MAST2: variants seen among roughly 807,000 people sequenced by gnomAD.
MAST2 encodes the protein microtubule associated serine/threonine kinase 2.
In MAST2, 70 loss-of-function variants were observed where a neutral mutation model predicts 147.4. The ratio of observed to expected loss-of-function variants is 0.47; its 90% CI spans 0.39 to 0.58. MAST2 has a LOEUF of 0.58. Among genes scored for constraint, MAST2 ranks in the 20% least tolerant of loss-of-function variants. MAST2 has a pLI of 0.00. For synonymous variants in MAST2, 869 were observed against 896.8 expected, an observed-to-expected ratio of 0.97 and a Z score of 0.55; for missense variants, 2,080 against 2,302.3, an observed-to-expected ratio of 0.90 and a Z score of 1.98.
At chr1:45,962,388 C>T (rs1660557497) in intron 5 of MAST2, among the ~76,000 whole-genome samples, 2 of 152,074 alleles carry the variant, frequency 1.3e-5, no homozygotes, top group South Asian at 4.1e-4. Context: ...GTCCCACCAA[C>T]AGTGTAAAAG....
chr1:45,873,452 C>T (rs1646480150), intron 3 of MAST2, among the ~76,000 whole-genome samples: 1 of 152,072 alleles, frequency 6.6e-6, no homozygotes, highest in South Asian at 2.1e-4. Context: ...CCTGCCTCAG[C>T]CTCCCAAAGT....
chr1:45,858,849 A>C (rs977394882), intron 3 of MAST2, among the ~76,000 whole-genome samples: 6 of 152,090 alleles, frequency 3.9e-5, no homozygotes, highest in African/African-American at 1.4e-4. Flanking sequence ...CAGTTTTCCC[A>C]GCACCATTTA....
chr1:45,956,613 A>G (rs1351329500), intron 4 of MAST2, among the ~76,000 whole-genome samples: 1 of 152,226 alleles, frequency 6.6e-6, no homozygotes, highest in Non-Finnish European at 1.5e-5. Context: ...AAAGTATGCA[A>G]GCATTACTTT....
chr1:45,824,657 C>T (rs1248020326), intron 2 of MAST2, 77 bp downstream of exon 2: 6 of 1,404,946 alleles, frequency 4.3e-6, no homozygotes, highest in Non-Finnish European at 2.9e-6. Context: ...ATTGAATTGG[C>T]ATCTTGACAG....
chr1:45,931,502 G>GT (rs1655302883), intron 4 of MAST2, among the ~76,000 whole-genome samples: 2 of 137,250 alleles, frequency 1.5e-5, no homozygotes, highest in South Asian at 2.5e-4. Flanking sequence ...TGTTGTTTTT[G>GT]TTTTTTTGAG....
chr1:45,925,920 G>A (rs1211859466), intron 4 of MAST2, among the ~76,000 whole-genome samples: 2 of 152,188 alleles, frequency 1.3e-5, no homozygotes, highest in African/African-American at 4.8e-5. Flanking sequence ...TGGTAGACTT[G>A]CGTGGCAAAT....
chr1:46,016,058 G>C (rs1645925810), intron 10 of MAST2, among the ~76,000 whole-genome samples: 1 of 151,842 alleles, frequency 6.6e-6, no homozygotes, highest in African/African-American at 2.4e-5. Flanking sequence ...CATATAAACA[G>C]AACCAAAGAC....
intron 3 of MAST2, among the ~76,000 whole-genome samples, chr1:45,860,310 G>A (rs1645935572): frequency 7.7e-6 from 1 of 129,438 alleles, no homozygotes; most frequent in South Asian, 2.7e-4. Context: ...CTTGAACCTG[G>A]GAGACAGAGG....
At chr1:46,008,963 T>C (rs1327276770) in intron 9 of MAST2, among the ~76,000 whole-genome samples, 1 of 152,348 alleles carries the variant, frequency 6.6e-6, no homozygotes, top group East Asian at 1.9e-4. Context: ...TAGGTTGTTA[T>C]CCTGAGATAG....
At chr1:45,811,637 CT>C (rs764470494) in intron 1 of MAST2, among the ~76,000 whole-genome samples, 415 of 117,578 alleles carry the variant, frequency 3.5e-3, no homozygotes, top group Middle Eastern at 6.8e-3. Flanking sequence ...CCGCACCCGG[CT>C]TTTTTTTTTT....
chr1:46,021,828 G>A (rs1481966879), intron 11 of MAST2, 122 bp from the exon 12 acceptor site: 1 of 871,980 alleles, frequency 1.1e-6, no homozygotes, highest in Non-Finnish European at 1.8e-6. Context: ...ATTCAGGGGT[G>A]GGAGTGTCCT....
intron 3 of MAST2, among the ~76,000 whole-genome samples, chr1:45,869,906 G>A (rs1646310993): frequency 7.8e-6 from 1 of 128,216 alleles, no homozygotes; most frequent in Admixed American, 7.8e-5. Flanking sequence ...CTGTTCCTGT[G>A]ATTCTTTTGT....
At chr1:46,018,310 T>C (rs1646043251) in intron 10 of MAST2, among the ~76,000 whole-genome samples, 1 of 152,206 alleles carries the variant, frequency 6.6e-6, no homozygotes, top group Non-Finnish European at 1.5e-5. Flanking sequence ...CACATGTGGC[T>C]GCCACTCTTA....
At chr1:46,029,250 G>A (rs1363677192) in intron 18 of MAST2, 1 of 553,448 alleles carries the variant, frequency 1.8e-6, no homozygotes, top group Non-Finnish European at 3.2e-6. Context: ...TAAAAGCAGG[G>A]TGAGCTAGAG....
intron 1 of MAST2, among the ~76,000 whole-genome samples, chr1:45,818,615 G>A (rs920131088): frequency 6.6e-6 from 1 of 152,194 alleles, no homozygotes; most frequent in Non-Finnish European, 1.5e-5. Context: ...GCAACTTCTT[G>A]TGTAGTTCTA....
chr1:45,992,547 A>G (rs1466928422), intron 5 of MAST2, among the ~76,000 whole-genome samples: 1 of 152,182 alleles, frequency 6.6e-6, no homozygotes, highest in East Asian at 1.9e-4. Flanking sequence ...TACTGGCCCC[A>G]TGGAATGAGT....
rs557332564 is a variant in MAST2 at position 45,977,487 on chromosome 1, TCAAA to T, written c.592+18035_592+18038del. ...TGGGCGACAAGAGGGAAACTCTATC[TCAAA>T]CAAACAAACAAACAAACAAACAAAA... On this transcript the variant is annotated intron_variant, in intron 5 of 28. Coordinates refer to ENST00000361297, the MANE Select transcript of MAST2 (RefSeq NM_015112.3). 5.1e-3 allele frequency among the ~76,000 whole-genome samples: 752 copies of T among 146,378 alleles called. 4 individuals are homozygous for T. Among genetic ancestry groups the T allele is most frequent in the African/African-American group, 0.015 (593 of 39,316 alleles).
intron 1 of MAST2, among the ~76,000 whole-genome samples, chr1:45,813,690 T>G (rs557493707): frequency 1.5e-3 from 223 of 152,030 alleles, no homozygotes; most frequent in African/African-American, 5.2e-3. Flanking sequence ...GTAGAGACAG[T>G]GTTTCACCAT....
intron 3 of MAST2, among the ~76,000 whole-genome samples, chr1:45,853,152 A>G (rs1645676481): frequency 6.6e-6 from 1 of 151,868 alleles, no homozygotes; most frequent in South Asian, 2.1e-4. Context: ...CTGGTCTCGA[A>G]CTCCTGAGCT....
Sources: allele counts gnomAD v4.1 joint callset (sites outside exome capture counted in the v4.1 genomes callset), GRCh38; gene constraint gnomAD v4.1.1; transcripts MANE v1.5; gene names NCBI Gene and HGNC (gene_info 2026-07-23, HGNC 2026-07-21).